Variants in INVS observed in about 807,000 individuals in gnomAD.
The protein encoded by INVS is inversion of embryo turning homolog.
INVS carries 86 observed loss-of-function variants against 108.8 expected under a neutral mutation model. That is an observed-to-expected ratio of 0.79 (90% CI 0.66 to 0.95). The LOEUF (loss-of-function observed/expected upper bound fraction) is 0.95. Ranked by LOEUF, INVS falls within the 40% of genes least tolerant of loss-of-function variation. The probability of loss-of-function intolerance (pLI) is 0.00; values close to 1 mark genes in which losing one functional copy is unlikely to be tolerated. For synonymous variants in INVS, 455 were observed against 473.5 expected (o/e 0.96, Z 0.51); for missense variants, 1,169 against 1,297.4 (o/e 0.90, Z 1.52).
intron 5 of INVS, among the ~76,000 whole-genome samples, chr9:100,234,982 T>G (rs1049107813): frequency 6.6e-6 from 1 of 152,204 alleles, no homozygotes; most frequent in Non-Finnish European, 1.5e-5. Flanking sequence ...TATCCCACTA[T>G]TATTGTGTGG....
intron 12 of INVS, among the ~76,000 whole-genome samples, chr9:100,279,056 A>G (rs1317858207): frequency 6.6e-6 from 1 of 152,252 alleles, no homozygotes; most frequent in African/African-American, 2.4e-5. Context: ...AATGCAGGTA[A>G]ATACCGTTTC....
At chr9:100,230,306 C>A (rs1831466726) in intron 5 of INVS, among the ~76,000 whole-genome samples, 2 of 152,146 alleles carry the variant, frequency 1.3e-5, no homozygotes, top group African/African-American at 2.4e-5. Flanking sequence ...TCTATTCTCT[C>A]CTTTCACAGA....
intron 2 of INVS, among the ~76,000 whole-genome samples, chr9:100,115,082 C>T (rs912911868): frequency 2.6e-5 from 4 of 152,164 alleles, no homozygotes; most frequent in African/African-American, 9.7e-5. Flanking sequence ...CAACTAGGTT[C>T]TACATCCTTA....
chr9:100,212,011 A>G (rs1175390288), intron 3 of INVS, among the ~76,000 whole-genome samples: 3 of 152,242 alleles, frequency 2.0e-5, no homozygotes, highest in Non-Finnish European at 4.4e-5. Flanking sequence ...TTAAGTAAAG[A>G]GGAAGAATGT....
Position 100,188,307 on chromosome 9 carries a change from G to A in INVS, c.274-37755G>A, listed in dbSNP as rs555963032. Among the ~76,000 whole-genome samples, 5 of 152,272 alleles carry A rather than the reference G, an allele frequency of 3.3e-5. No homozygotes were observed. In the East Asian group the frequency reaches 7.7e-4, roughly 24 times the overall value. ...TTCCCCATTCATTAAGATATTGGTT[G>A]TGGGTTTGTCATATGTGGCTTCCTT... On this transcript the variant is annotated intron_variant, in intron 3 of 16. Transcript: ENST00000262457.
At chr9:100,130,454 T>C (rs1199952637) in intron 3 of INVS, 2 of 152,154 alleles carry the variant, frequency 1.3e-5, no homozygotes, top group Non-Finnish European at 2.9e-5. Flanking sequence ...AGATACATTA[T>C]GGAGGCAGAA....
chr9:100,217,065 T>C (rs1290135565), intron 3 of INVS, among the ~76,000 whole-genome samples: 2 of 152,090 alleles, frequency 1.3e-5, no homozygotes, highest in African/African-American at 2.4e-5. Flanking sequence ...TCCCAGAACG[T>C]TGAGAGGCCG....
Position 100,300,731 on chromosome 9 carries a change from G to C in INVS, c.*57G>C, listed in dbSNP as rs1833942475. The C allele has an allele frequency of 8.3e-6, 10 of 1,201,360 alleles. No individual in the cohort carries two copies. The highest frequency in any genetic ancestry group is 7.3e-5 in the South Asian group (6 of 81,682). 74.4% of individuals were successfully genotyped at this position (1,201,360 alleles called of 1,614,324 possible). On this transcript the variant is annotated 3_prime_UTR_variant, in exon 17 of 17. Transcript: ENST00000262457. Reference sequence around the variant, plus strand: ...GCTGGCATAGCTAGTGCAGAGTTCAGATTTTCTGCTGATAATCTTTTACAC... The same window carrying C: ...GCTGGCATAGCTAGTGCAGAGTTCACATTTTCTGCTGATAATCTTTTACAC...
intron 1 of INVS, among the ~76,000 whole-genome samples, chr9:100,100,903 GTATATATATTATATGTATATATATAA>G (rs1564112168): frequency 1.9e-4 from 7 of 36,254 alleles, no homozygotes; most frequent in South Asian, 5.3e-4. Context: ...TATTATATAT[GTATATATATTATATGTATATATATAA>G]TATATATAAT....
chr9:100,120,032 G>A (rs576763401), intron 2 of INVS, among the ~76,000 whole-genome samples: 1 of 152,202 alleles, frequency 6.6e-6, no homozygotes, highest in African/African-American at 2.4e-5. Context: ...ACTTCTCAAT[G>A]TTTTCTTTTC....
At chr9:100,244,758 G>C (rs558637162) in intron 7 of INVS, among the ~76,000 whole-genome samples, 6 of 152,184 alleles carry the variant, frequency 3.9e-5, no homozygotes, top group South Asian at 2.1e-4. Flanking sequence ...TACACACACA[G>C]AGCCCTGTAA....
intron 3 of INVS, among the ~76,000 whole-genome samples, chr9:100,165,659 T>G (rs1039167005): frequency 2.6e-5 from 4 of 152,198 alleles, no homozygotes; most frequent in African/African-American, 9.6e-5. Context: ...TTTAGTATCA[T>G]TTTAACATAT....
At chr9:100,139,454 C>A (rs1445073742) in intron 3 of INVS, among the ~76,000 whole-genome samples, 1 of 152,142 alleles carries the variant, frequency 6.6e-6, no homozygotes, top group African/African-American at 2.4e-5. Context: ...TTGTCTCTAG[C>A]CCTAGCCTCT....
At chr9:100,127,055 G>A (rs541009075) in intron 3 of INVS, among the ~76,000 whole-genome samples, 47 of 152,112 alleles carry the variant, frequency 3.1e-4, no homozygotes, top group African/African-American at 1.1e-3. Context: ...AATTAGCTGG[G>A]CATGGTGGCG....
chr9:100,214,601 A>C (rs1490891552), intron 3 of INVS, among the ~76,000 whole-genome samples: 1 of 152,256 alleles, frequency 6.6e-6, no homozygotes, highest in Non-Finnish European at 1.5e-5. Context: ...TGTGTACATC[A>C]GATTAAAATA....
At chr9:100,253,410 ATT>A (rs896036229) in intron 10 of INVS, among the ~76,000 whole-genome samples, 7 of 114,542 alleles carry the variant, frequency 6.1e-5, no homozygotes, top group African/African-American at 2.2e-4. Flanking sequence ...TAAATATATG[ATT>A]TTCTTTTTTT....
chr9:100,224,680 G>C (rs1459030296), intron 3 of INVS, among the ~76,000 whole-genome samples: 1 of 151,764 alleles, frequency 6.6e-6, no homozygotes, highest in Non-Finnish European at 1.5e-5. Flanking sequence ...GCAGTGGTGC[G>C]ATCTCTGCTC....
At chr9:100,128,123 GTAT>G (rs1394810384) in intron 3 of INVS, among the ~76,000 whole-genome samples, 1 of 152,110 alleles carries the variant, frequency 6.6e-6, no homozygotes, top group African/African-American at 2.4e-5. Context: ...TCCTGTAGAA[GTAT>G]TATATGACAA....
At chr9:100,272,842 AG>A in intron 11 of INVS, 21 bp from the exon 12 acceptor site, 1 of 1,599,992 alleles carries the variant, frequency 6.3e-7, no homozygotes, top group Non-Finnish European at 8.6e-7. Flanking sequence ...TAAAAAAAAA[AG>A]AAATCTTCCT....
Sources: allele counts gnomAD v4.1 joint callset (sites outside exome capture counted in the v4.1 genomes callset), GRCh38; gene constraint gnomAD v4.1.1; transcripts MANE v1.5; gene names NCBI Gene and HGNC (gene_info 2026-07-23, HGNC 2026-07-21).